The following MKNK1 variants were observed in gnomAD, a reference collection of about 807,000 sequenced individuals.
MKNK1 encodes MAP kinase-interacting serine/threonine-protein kinase 1.
MKNK1 carries 30 observed loss-of-function variants against 49.3 expected under a neutral mutation model. The observed-to-expected ratio is 0.61, with a 90% CI of 0.46 to 0.83. The LOEUF (loss-of-function observed/expected upper bound fraction) is 0.83. Among genes scored for constraint, MKNK1 ranks in the 40% least tolerant of loss-of-function variants. The pLI is 0.00. For missense variants in MKNK1, 423 were observed against 524.7 expected, an observed-to-expected ratio of 0.81 and a Z score of 1.89; for synonymous variants, 176 against 201.7, an observed-to-expected ratio of 0.87 and a Z score of 1.08.
chr1:46,561,768 ACAGACTGGGGCCTCTTCC>A (rs1228437770), intron 10 of MKNK1, 126 bp from the exon 11 acceptor site: 3 of 1,061,184 alleles, frequency 2.8e-6, no homozygotes, highest in Non-Finnish European at 4.1e-6. Context: ...TGGGGATGCC[ACAGACTGGGGCCTCTTCC>A]CAGACTCACC....
intron 2 of MKNK1, among the ~76,000 whole-genome samples, chr1:46,593,107 A>C (rs1018761458): frequency 6.6e-6 from 1 of 152,228 alleles, no homozygotes; most frequent in Non-Finnish European, 1.5e-5. Flanking sequence ...CAGGCATGAC[A>C]AAACCTCTGG....
chr1:46,592,908 A>G (rs937215750), intron 2 of MKNK1, among the ~76,000 whole-genome samples: 2 of 152,090 alleles, frequency 1.3e-5, no homozygotes, highest in Admixed American at 6.5e-5. Flanking sequence ...ACAGGGGGAA[A>G]ATTCAGGAAG....
intron 9 of MKNK1, among the ~76,000 whole-genome samples, chr1:46,564,407 G>C (rs1353438592): frequency 1.3e-5 from 2 of 150,802 alleles, no homozygotes; most frequent in Non-Finnish European, 2.9e-5. Flanking sequence ...GCTGGCCTGG[G>C]AGTAGGGTCC....
intron 1 of MKNK1, among the ~76,000 whole-genome samples, chr1:46,600,421 G>A (rs1455393850): frequency 1.3e-5 from 2 of 152,234 alleles, no homozygotes; most frequent in Non-Finnish European, 2.9e-5. Context: ...CCCAGACTGA[G>A]TTCATTCTAA....
rs781482846 is a variant in MKNK1 at position 46,558,737 on chromosome 1, T to A, written c.1077A>T (p.Leu359=). 2 of 1,614,224 alleles carry A rather than the reference T, an allele frequency of 1.2e-6. No homozygotes were observed. The highest frequency in any genetic ancestry group is 1.7e-6 in the Non-Finnish European group (2 of 1,180,022). The change falls in exon 13 of 13, where the codon CTA becomes CTT. Residue 359 remains leucine, a synonymous_variant. Coordinates refer to ENST00000371945, the MANE Select transcript of MKNK1 (RefSeq NM_001135553.4). ...AAEAIALNRQ[L]SQHEENELAE... ...CTAGTTCGTTCTCTTCGTGCTGAGA[T>A]AGCTGGCGGTTAAGGGCGATGGCCT...
intron 5 of MKNK1, 33 bp downstream of exon 5, chr1:46,576,542 C>A: frequency 6.3e-7 from 1 of 1,579,754 alleles, no homozygotes; most frequent in Non-Finnish European, 8.7e-7. Context: ...AAGCGTCCCC[C>A]CAGAGAAGCA....
At chr1:46,558,909 T>C in intron 12 of MKNK1, 109 bp from the exon 13 acceptor site, 3 of 914,730 alleles carry the variant, frequency 3.3e-6, no homozygotes, top group Non-Finnish European at 5.0e-6. Flanking sequence ...CCCACCAGAT[T>C]TCCCAGAGCT....
intron 2 of MKNK1, among the ~76,000 whole-genome samples, chr1:46,588,695 T>A (rs968196715): frequency 5.8e-4 from 88 of 151,484 alleles, no homozygotes; most frequent in Admixed American, 2.6e-3. Flanking sequence ...TAGTCCCAGC[T>A]ATTCGGGAGG....
chr1:46,598,895 G>A (rs1356713267), intron 1 of MKNK1, among the ~76,000 whole-genome samples: 1 of 152,196 alleles, frequency 6.6e-6, no homozygotes, highest in East Asian at 1.9e-4. Flanking sequence ...CAGGACATTA[G>A]CAAGAGTTGA....
intron 2 of MKNK1, chr1:46,584,438 T>C (rs926540939): frequency 2.6e-5 from 4 of 152,088 alleles, no homozygotes; most frequent in African/African-American, 9.7e-5. Context: ...GCATACGATG[T>C]GAGAGACTTT....
chr1:46,572,449 A>G, intron 6 of MKNK1: 6 of 250,632 alleles, frequency 2.4e-5, no homozygotes, highest in Non-Finnish European at 4.0e-5. Flanking sequence ...CGAACTCCCG[A>G]CCAAGTGATC....
chr1:46,602,632 A>G (rs1456415633), intron 1 of MKNK1, among the ~76,000 whole-genome samples: 1 of 151,908 alleles, frequency 6.6e-6, no homozygotes, highest in Non-Finnish European at 1.5e-5. Context: ...TTCTTAAAAC[A>G]CTGAGATTTT....
At chr1:46,563,945 T>TGAGGCAGGAGGATGGCATGAAGCCAG (rs1668503832) in intron 9 of MKNK1, among the ~76,000 whole-genome samples, 1 of 141,532 alleles carries the variant, frequency 7.1e-6, no homozygotes, top group Admixed American at 7.3e-5. Context: ...CTCGGGAGGC[T>TGAGGCAGGAGGATGGCATGAAGCCAG]GAGGCAGGAG....
At chr1:46,595,020 C>T (rs1673880255) in intron 1 of MKNK1, 1 of 188,516 alleles carries the variant, frequency 5.3e-6, no homozygotes, top group African/African-American at 2.4e-5. Context: ...GAGCTGGGCT[C>T]TCTCTCTTAG....
At chr1:46,561,194 A>T (rs552214611) in intron 11 of MKNK1, among the ~76,000 whole-genome samples, 2 of 152,320 alleles carry the variant, frequency 1.3e-5, no homozygotes, top group African/African-American at 4.8e-5. Flanking sequence ...ACTTCAAATG[A>T]CAATAGGATG....
chr1:46,567,442 T>A (rs1449313156), intron 8 of MKNK1, among the ~76,000 whole-genome samples: 2 of 152,232 alleles, frequency 1.3e-5, no homozygotes, highest in South Asian at 2.1e-4. Context: ...ACTAAATAAA[T>A]ATAAGTGCCT....
chr1:46,586,899 C>G (rs1672652679), intron 2 of MKNK1, among the ~76,000 whole-genome samples: 1 of 152,194 alleles, frequency 6.6e-6, no homozygotes, highest in Non-Finnish European at 1.5e-5. Flanking sequence ...CCTCTGCCTC[C>G]CGGGTTCAAG....
chr1:46,568,536 C>T, intron 7 of MKNK1, 38 bp from the exon 8 acceptor site: 1 of 1,578,504 alleles, frequency 6.3e-7, no homozygotes, highest in East Asian at 2.2e-5. Context: ...TTAACATATG[C>T]AGATAATTAT....
intron 3 of MKNK1, chr1:46,582,686 CAG>C (rs1164492948): frequency 2.5e-5 from 9 of 362,170 alleles, no homozygotes; most frequent in African/African-American, 4.3e-5. Context: ...GCCTCGCACA[CAG>C]AGAGTGTCAA....
Sources: allele counts gnomAD v4.1 joint callset (sites outside exome capture counted in the v4.1 genomes callset), GRCh38; gene constraint gnomAD v4.1.1; transcripts MANE v1.5; gene names NCBI Gene and HGNC (gene_info 2026-07-23, HGNC 2026-07-21).